The following DLD variants were observed in gnomAD, a reference collection of about 807,000 sequenced individuals.
DLD encodes dihydrolipoamide dehydrogenase, also known as dihydrolipoyl dehydrogenase, mitochondrial.
DLD carries 36 observed loss-of-function variants against 62.2 expected under a neutral mutation model. That is an observed-to-expected ratio of 0.58 (90% CI 0.44 to 0.76). The LOEUF is 0.76. Among genes scored for constraint, DLD ranks in the 30% least tolerant of loss-of-function variants. The probability of loss-of-function intolerance (pLI) is 0.00; values close to 1 mark genes in which losing one functional copy is unlikely to be tolerated. For synonymous variants in DLD, 204 were observed against 199.6 expected, an observed-to-expected ratio of 1.02 and a Z score of -0.19; for missense variants, 541 against 608.6, an observed-to-expected ratio of 0.89 and a Z score of 1.17.
intron 2 of DLD, among the ~76,000 whole-genome samples, chr7:107,898,698 C>G (rs912201671): frequency 6.6e-6 from 1 of 152,002 alleles, no homozygotes; most frequent in Non-Finnish European, 1.5e-5. Flanking sequence ...TCACGCCATT[C>G]TCCTGCCTCA....
At chr7:107,915,427 A>G in intron 8 of DLD, 79 bp from the exon 9 acceptor site, 1 of 1,487,244 alleles carries the variant, frequency 6.7e-7, no homozygotes, top group Non-Finnish European at 9.3e-7. Flanking sequence ...AATGTTTTAC[A>G]ATAAATTATT....
At position 107,916,838 on chromosome 7, in the gene DLD, A is replaced by T. The variant is rs1197012528; in HGVS notation, c.920A>T (p.Asp307Val). 6.2e-7 allele frequency: 1 copy of T among 1,613,246 alleles called. No homozygotes were observed. The highest frequency in any genetic ancestry group is 1.1e-5 in the South Asian group (1 of 91,018). ...GGTAAAGCTGAAGTTATCACTTGTGATGTACTCTTGGTTTGCATTGGCCGA... is the reference window on the plus strand; with the variant it reads ...GGTAAAGCTGAAGTTATCACTTGTGTTGTACTCTTGGTTTGCATTGGCCGA... ...SGGKAEVITC[D>V]VLLVCIGRRP... The change falls in exon 10 of 14, where the codon GAT becomes GTT. Residue 307 changes from aspartate (D) to valine (V), a missense_variant. Transcript: ENST00000205402.
At chr7:107,896,652 A>T (rs2031731970) in intron 2 of DLD, among the ~76,000 whole-genome samples, 1 of 152,194 alleles carries the variant, frequency 6.6e-6, no homozygotes, top group Non-Finnish European at 1.5e-5. Context: ...GAGGTTACTG[A>T]AAAAGACTGG....
At chr7:107,892,563 T>A (rs1323188728) in intron 1 of DLD, among the ~76,000 whole-genome samples, 2 of 91,794 alleles carry the variant, frequency 2.2e-5, no homozygotes, top group African/African-American at 5.6e-5. Flanking sequence ...TTATTTATTT[T>A]GAGACGGAGT....
At chr7:107,905,318 ATTACT>A (rs748091695) in intron 6 of DLD, 38 bp from the exon 7 acceptor site, 20 of 1,571,830 alleles carry the variant, frequency 1.3e-5, no homozygotes, top group Middle Eastern at 1.7e-4. Flanking sequence ...TATCAAACAA[ATTACT>A]TTAAACTTTG....
Position 107,905,771 on chromosome 7 carries a change from G to T in DLD, c.582+267G>T, listed in dbSNP as rs73410473. 1.0e-2 allele frequency: 4,662 copies of T among 467,614 alleles called. 177 individuals carry two copies. Among genetic ancestry groups the T allele is most frequent in the African/African-American group, 0.083 (4,223 of 50,986 alleles). The allele number at this position is 467,614 out of a possible 1,614,324, so 29.0% of individuals were successfully genotyped here. A position where few individuals can be genotyped will look rare whatever the true frequency, so the allele number is the denominator to read the frequency against. ...TATTGGTGGATAAAATTTAAAGTCA[G>T]TGTTTTTAATGGGATTTGATGAAAT... On this transcript the variant is annotated intron_variant, in intron 7 of 13. Transcript: ENST00000205402.
At position 107,891,202 on chromosome 7, in the gene DLD, C is replaced by T. The variant is rs375141670; in HGVS notation, c.-49C>T. ...GGAGACCTTGGCGGAGCGGCGGAGG[C>T]GCCCAGCGGAGGTGAAAGTATTGGC... is the stretch of plus-strand genomic sequence containing the variant. On this transcript the variant is annotated 5_prime_UTR_variant, in exon 1 of 14. Coordinates refer to ENST00000205402, the MANE Select transcript of DLD (RefSeq NM_000108.5). 5.0e-6 allele frequency: 8 copies of T among 1,610,930 alleles called. No homozygotes were observed. Among genetic ancestry groups the T allele is most frequent in the South Asian group, 1.1e-5 (1 of 90,932 alleles).
chr7:107,892,311 G>C (rs910720460), intron 1 of DLD, among the ~76,000 whole-genome samples: 1 of 152,160 alleles, frequency 6.6e-6, no homozygotes, highest in African/African-American at 2.4e-5. Flanking sequence ...TTGTCAAACT[G>C]TAGTAGCACC....
rs1187332193 is a variant in DLD at position 107,903,512 on chromosome 7, C to G, written c.302C>G (p.Ala101Gly). The change falls in exon 5 of 14, where the codon GCC becomes GGC. Residue 101 changes from alanine to glycine, a missense_variant. Transcript: ENST00000205402. ...LLNNSHYYHM[A>G]HGKDFASRGI... Reference sequence around the variant, plus strand: ...AACAACTCTCATTATTACCATATGGCCCATGGAAAAGATTTTGCATCTAGA... The same window carrying G: ...AACAACTCTCATTATTACCATATGGGCCATGGAAAAGATTTTGCATCTAGA... The G allele has an allele frequency of 6.3e-7, 1 of 1,596,722 alleles. No individual in the cohort carries two copies. The highest frequency in any genetic ancestry group is 8.6e-7 in the Non-Finnish European group (1 of 1,165,004).
At chr7:107,906,455 C>G in intron 8 of DLD, 87 bp downstream of exon 8, 1 of 823,586 alleles carries the variant, frequency 1.2e-6, no homozygotes, top group Non-Finnish European at 2.1e-6. Context: ...TATAACATTA[C>G]AGGCTGATCA....
chr7:107,903,780 A>C, intron 5 of DLD: 1 of 384,404 alleles, frequency 2.6e-6, no homozygotes, highest in Non-Finnish European at 4.9e-6. Context: ...CTACCATTAT[A>C]TCTTCTGTTC....
At chr7:107,917,152 G>C (rs1258916100) in intron 10 of DLD, 121 bp from the exon 11 acceptor site, 2 of 1,257,646 alleles carry the variant, frequency 1.6e-6, no homozygotes, top group African/African-American at 3.0e-5. Flanking sequence ...TTTTTGAAGA[G>C]CTGCATTTGA....
chr7:107,919,957 A>C lies in DLD; in HGVS notation c.*698A>C, dbSNP rs1259851734. ...ATGAAGATACTGAAATAAACGTCTTAAATATTCATTTACTGGTTATCATGA... is the reference window on the plus strand; with the variant it reads ...ATGAAGATACTGAAATAAACGTCTTCAATATTCATTTACTGGTTATCATGA... On this transcript the variant is annotated 3_prime_UTR_variant, in exon 14 of 14. Transcript: ENST00000205402. 2 of 152,438 alleles carry C rather than the reference A, an allele frequency of 1.3e-5. No individual in the cohort carries two copies. Among genetic ancestry groups the C allele is most frequent in the Non-Finnish European group, 2.9e-5 (2 of 68,108 alleles). The allele number at this position is 152,438 out of a possible 1,614,324, so 9.4% of individuals were successfully genotyped here.
intron 8 of DLD, among the ~76,000 whole-genome samples, chr7:107,914,081 C>T (rs1380355087): frequency 6.6e-6 from 1 of 152,100 alleles, no homozygotes; most frequent in African/African-American, 2.4e-5. Flanking sequence ...CCTGCTTGAT[C>T]ATGGTGAATG....
chr7:107,901,978 A>G (rs1343204182), intron 3 of DLD, among the ~76,000 whole-genome samples, 161 bp downstream of exon 3: 1 of 152,212 alleles, frequency 6.6e-6, no homozygotes, highest in African/African-American at 2.4e-5. Context: ...ATTTGGTTGT[A>G]GTATTCTCTT....
At chr7:107,900,127 C>T (rs946604154) in intron 2 of DLD, among the ~76,000 whole-genome samples, 1 of 151,972 alleles carries the variant, frequency 6.6e-6, no homozygotes, top group Non-Finnish European at 1.5e-5. Flanking sequence ...CATGTATTAT[C>T]TCAATTATCA....
At chr7:107,918,611 A>G (rs1157964443) in intron 12 of DLD, among the ~76,000 whole-genome samples, 7 of 152,224 alleles carry the variant, frequency 4.6e-5, no homozygotes, top group Non-Finnish European at 8.8e-5. Context: ...AGCCTAAAGT[A>G]TGTATCTTTC....
At chr7:107,905,699 T>G (rs892958284) in intron 7 of DLD, 195 bp downstream of exon 7, 9 of 604,084 alleles carry the variant, frequency 1.5e-5, no homozygotes, top group African/African-American at 1.5e-4. Flanking sequence ...TATATTAAGA[T>G]ATGTTTGAAT....
intron 5 of DLD, 79 bp downstream of exon 5, chr7:107,903,626 A>G: frequency 2.6e-6 from 2 of 777,710 alleles, no homozygotes; most frequent in South Asian, 2.8e-5. Flanking sequence ...AAATGTGTCT[A>G]ACGTACGCAT....
Sources: gnomAD v4.1 joint callset for allele counts (sites outside exome capture counted in the v4.1 genomes callset) on GRCh38, gnomAD v4.1.1 for gene constraint, MANE v1.5 for transcripts, NCBI Gene and HGNC (gene_info 2026-07-23, HGNC 2026-07-21) for gene names.